Variants in TMEM181 observed in about 807,000 individuals in gnomAD.
TMEM181 encodes transmembrane protein 181, also known as G protein-coupled receptor 178.
Under a neutral mutation model 71.9 loss-of-function variants are expected in TMEM181, and 39 were observed. That is an observed-to-expected ratio of 0.54 (90% CI 0.42 to 0.71). The LOEUF is 0.71. Among genes scored for constraint, TMEM181 ranks in the 30% least tolerant of loss-of-function variants. The pLI is 0.00. For synonymous variants in TMEM181, 245 were observed against 228.8 expected, an observed-to-expected ratio of 1.07 and a Z score of -0.64; for missense variants, 595 against 583.0, an observed-to-expected ratio of 1.02 and a Z score of -0.21.
chr6:158,602,419 T>C (rs1462039518), intron 6 of TMEM181, among the ~76,000 whole-genome samples: 1 of 152,238 alleles, frequency 6.6e-6, no homozygotes, highest in Non-Finnish European at 1.5e-5. Context: ...ATGGAATGGT[T>C]GGGCCATGTG....
At chr6:158,542,458 G>A (rs1781388776) in intron 1 of TMEM181, among the ~76,000 whole-genome samples, 1 of 152,188 alleles carries the variant, frequency 6.6e-6, no homozygotes, top group Non-Finnish European at 1.5e-5. Flanking sequence ...ACTTGTTCGA[G>A]GTTGCACTTT....
chr6:158,579,874 A>G (rs1783378484), intron 2 of TMEM181, among the ~76,000 whole-genome samples: 1 of 152,246 alleles, frequency 6.6e-6, no homozygotes, highest in South Asian at 2.1e-4. Context: ...AGTAGTTAAA[A>G]TCATCAAGAC....
chr6:158,592,633 A>G (rs181142518), intron 6 of TMEM181, among the ~76,000 whole-genome samples: 2 of 152,240 alleles, frequency 1.3e-5, no homozygotes, highest in Admixed American at 6.5e-5. Context: ...TAGCTGTAGT[A>G]GTTCACCACG....
intron 1 of TMEM181, among the ~76,000 whole-genome samples, chr6:158,540,342 C>G (rs764899894): frequency 1.3e-5 from 2 of 152,292 alleles, no homozygotes; most frequent in Middle Eastern, 3.4e-3. Context: ...TACACATTTC[C>G]TCAGGCCCAG....
intron 10 of TMEM181, among the ~76,000 whole-genome samples, chr6:158,609,006 G>C (rs1224656545): frequency 3.9e-5 from 6 of 152,010 alleles, no homozygotes; most frequent in Non-Finnish European, 8.8e-5. Flanking sequence ...GCTGAGGTGG[G>C]AGGATCGCTT....
intron 2 of TMEM181, among the ~76,000 whole-genome samples, chr6:158,579,751 G>A (rs12197127): frequency 0.4 from 60,144 of 151,940 alleles, 12,306 homozygotes; most frequent in Middle Eastern, 0.52. Context: ...CAAAAATAAG[G>A]AAATTCATAC....
rs1270198003 is a variant in TMEM181 at position 158,628,514 on chromosome 6, T to C, written c.1192+24T>C. The C allele has an allele frequency of 2.7e-6, 4 of 1,507,364 alleles. No homozygotes were observed. The East Asian group carries it at 6.8e-5, about 26-fold the overall frequency. 93.4% of individuals were successfully genotyped at this position (1,507,364 alleles called of 1,614,324 possible). The stretch of plus-strand genomic sequence containing the variant: ...TTATATCCTTTTCACTGGAGGGCCC[T>C]GGCTGCAGGACGCCTGCTTAGCATT... On this transcript the variant is annotated intron_variant, in intron 14 of 16. Transcript: ENST00000684151.
At position 158,628,451 on chromosome 6, in the gene TMEM181, GAC is replaced by G; in HGVS notation, c.1155_1156del (p.Asp385GlufsTer43). 6.2e-7 allele frequency: 1 copy of G among 1,614,204 alleles called. No homozygotes were observed. The highest frequency in any genetic ancestry group is 8.5e-7 in the Non-Finnish European group (1 of 1,180,034). ...GAGATTTGGGGCGCAAGTACTACAA[GAC>G]AATTTTGTAGCAGAGCTGTCAACTC... ...YLRFGAQVLQ[D>X]NFVAELSTHY... is the part of the protein sequence containing the mutation. On this transcript the variant is annotated frameshift_variant, in exon 14 of 17. Transcript: ENST00000684151. LOFTEE classifies it high-confidence loss of function.
At chr6:158,580,276 G>A (rs1037799301) in intron 2 of TMEM181, among the ~76,000 whole-genome samples, 1 of 152,130 alleles carries the variant, frequency 6.6e-6, no homozygotes, top group Admixed American at 6.5e-5. Flanking sequence ...GTGGTGGTGA[G>A]CTGAGACTGC....
intron 11 of TMEM181, among the ~76,000 whole-genome samples, chr6:158,624,864 G>C (rs1055320496): frequency 6.6e-6 from 1 of 152,212 alleles, no homozygotes; most frequent in African/African-American, 2.4e-5. Context: ...GGAGGGGTTT[G>C]GGCTCTGCTC....
chr6:158,617,503 T>G (rs980845084), intron 10 of TMEM181, among the ~76,000 whole-genome samples: 2 of 152,208 alleles, frequency 1.3e-5, no homozygotes, highest in Admixed American at 6.5e-5. Context: ...TCTTAGTTAT[T>G]TCTTGCCTTC....
rs149699374 is a variant in TMEM181, at chr6:158,619,339, T to G, written c.897-4211T>G. ...TAGTTCTTATGCCATGGTTTTCAGCTCCATCAGGTCGTTTAAGGTCTTCTC... is the reference window on the plus strand; with the variant it reads ...TAGTTCTTATGCCATGGTTTTCAGCGCCATCAGGTCGTTTAAGGTCTTCTC... On this transcript the variant is annotated intron_variant, in intron 10 of 16. Coordinates refer to ENST00000684151, the MANE Select transcript of TMEM181 (RefSeq NM_001376852.1). 1.3e-3 allele frequency among the ~76,000 whole-genome samples: 194 copies of G among 152,344 alleles called. 2 individuals are homozygous for G. Among genetic ancestry groups the G allele is most frequent in the African/African-American group, 4.1e-3 (171 of 41,580 alleles).
At chr6:158,599,461 A>G (rs1353105358) in intron 6 of TMEM181, among the ~76,000 whole-genome samples, 1 of 152,264 alleles carries the variant, frequency 6.6e-6, no homozygotes, top group African/African-American at 2.4e-5. Context: ...TTCAGATTTC[A>G]AAAGGAATGT....
intron 10 of TMEM181, among the ~76,000 whole-genome samples, chr6:158,614,940 A>G (rs903222914): frequency 6.6e-6 from 1 of 152,212 alleles, no homozygotes; most frequent in Non-Finnish European, 1.5e-5. Flanking sequence ...TAGTGCTGCA[A>G]TAAACATACG....
chr6:158,631,514 A>T, intron 16 of TMEM181, 125 bp downstream of exon 16: 1 of 1,071,240 alleles, frequency 9.3e-7, no homozygotes, highest in Non-Finnish European at 1.4e-6. Flanking sequence ...TTGGAGTGTC[A>T]AGTGGCTCGT....
At chr6:158,611,109 G>A in intron 10 of TMEM181, 1 of 509,214 alleles carries the variant, frequency 2.0e-6, no homozygotes. Context: ...TGGTCCCCAA[G>A]GGGCTCCTCA....
At chr6:158,595,097 T>TG (rs1324835463) in intron 6 of TMEM181, among the ~76,000 whole-genome samples, 3 of 152,242 alleles carry the variant, frequency 2.0e-5, no homozygotes, top group Non-Finnish European at 4.4e-5. Context: ...ATTTTTCTCT[T>TG]GGTACTGGCT....
At chr6:158,578,986 T>C (rs778774951) in intron 2 of TMEM181, among the ~76,000 whole-genome samples, 3 of 151,902 alleles carry the variant, frequency 2.0e-5, no homozygotes, top group Non-Finnish European at 4.4e-5. Context: ...TGGCCGGGCA[T>C]GGTGGCTCAT....
In TMEM181 at chr6:158,626,913, C is replaced by T. The variant is rs145767895; in HGVS notation, c.1109+1159C>T. ...CCCCACACCTTCACTCACACACCCTCACCCTCATTCTCACCCTCATTCTCA... is the reference window on the plus strand; with the variant it reads ...CCCCACACCTTCACTCACACACCCTTACCCTCATTCTCACCCTCATTCTCA... On this transcript the variant is annotated intron_variant, in intron 13 of 16. Transcript: ENST00000684151. 4.3e-3 allele frequency among the ~76,000 whole-genome samples: 569 copies of T among 131,106 alleles called. 2 individuals are homozygous for T. The highest frequency in any genetic ancestry group is 0.017 in the African/African-American group (543 of 31,908). The allele number at this position is 131,106 out of a possible 152,430, so 86.0% of individuals were successfully genotyped here. A position where few individuals can be genotyped will look rare whatever the true frequency, so the allele number is the denominator to read the frequency against.
Sources: gnomAD v4.1 joint callset for allele counts (sites outside exome capture counted in the v4.1 genomes callset) on GRCh38, gnomAD v4.1.1 for gene constraint, MANE v1.5 for transcripts, NCBI Gene and HGNC (gene_info 2026-07-23, HGNC 2026-07-21) for gene names.